DNAH5: variants seen among roughly 807,000 people sequenced by gnomAD.
DNAH5 encodes the protein axonemal beta dynein heavy chain 5.
Under a neutral mutation model 518.2 loss-of-function variants are expected in DNAH5, and 372 were observed. That is an observed-to-expected ratio of 0.72 (90% CI 0.66 to 0.78). The LOEUF (loss-of-function observed/expected upper bound fraction) is 0.78, where lower values mean the gene tolerates loss of function less well. Among genes scored for constraint, DNAH5 ranks in the 30% least tolerant of loss-of-function variants. DNAH5 has a pLI of 0.00. For missense variants in DNAH5, 5,523 were observed against 5,687.0 expected (o/e 0.97, Z 0.93); for synonymous variants, 2,039 against 2,025.9 (o/e 1.01, Z -0.17).
In DNAH5 at chr5:13,736,709, G is replaced by A. The variant is rs541269340; in HGVS notation, c.11455+543C>T. ...CCCAAAGTGCTGGGATTATAGTCAT[G>A]AGCAACCATGCCCGGCCGATTATTT... is the stretch of plus-strand genomic sequence containing the variant. On this transcript the variant is annotated intron_variant, in intron 66 of 78. Coordinates refer to ENST00000265104, the MANE Select transcript of DNAH5 (RefSeq NM_001369.3). 1.9e-3 allele frequency among the ~76,000 whole-genome samples: 291 copies of A among 152,202 alleles called. 1 individual carries two copies. The highest frequency in any genetic ancestry group is 6.4e-3 in the African/African-American group (267 of 41,528).
intron 34 of DNAH5, 59 bp from the exon 35 acceptor site, chr5:13,839,587 G>T: frequency 6.6e-6 from 9 of 1,361,638 alleles, no homozygotes; most frequent in Non-Finnish European, 9.4e-6. Context: ...AAATATACAC[G>T]TTATTAGCAT....
chr5:13,793,668 G>T lies in DNAH5; in HGVS notation c.8071C>A (p.Pro2691Thr), dbSNP rs371105950. Residue 2691 changes from proline (P) to threonine (T), a missense_variant, in exon 49 of 79, where the codon CCT becomes ACT. Coordinates refer to ENST00000265104, the MANE Select transcript of DNAH5 (RefSeq NM_001369.3). ...EQNGFYNLEK[P>T]GEFTSIVDIQ... Reference sequence around the variant, plus strand: ...TCCACGATGCTGGTGAACTCCCCAGGCTTCTCTAGATTATAGAATCCATTT... The same window carrying T: ...TCCACGATGCTGGTGAACTCCCCAGTCTTCTCTAGATTATAGAATCCATTT... The T allele has an allele frequency of 6.2e-7, 1 of 1,613,940 alleles. No individual in the cohort carries two copies. Among genetic ancestry groups the T allele is most frequent in the African/African-American group, 1.3e-5 (1 of 74,870 alleles).
chr5:13,861,969 A>C (rs1295269280), intron 29 of DNAH5, among the ~76,000 whole-genome samples: 1 of 151,286 alleles, frequency 6.6e-6, no homozygotes, highest in East Asian at 1.9e-4. Context: ...AAAAAAAAAA[A>C]AAAAAAACAA....
At chr5:13,907,104 A>G (rs181534141) in intron 12 of DNAH5, among the ~76,000 whole-genome samples, 1 of 152,276 alleles carries the variant, frequency 6.6e-6, no homozygotes, top group Non-Finnish European at 1.5e-5. Flanking sequence ...GGTGAACGCA[A>G]GTTCACACCG....
intron 61 of DNAH5, among the ~76,000 whole-genome samples, chr5:13,754,868 G>A (rs1750768984): frequency 1.3e-5 from 2 of 151,930 alleles, no homozygotes; most frequent in Admixed American, 6.6e-5. Flanking sequence ...AAATGGTTCC[G>A]GTGGCTCACA....
chr5:13,839,883 C>T (rs1257534978), intron 34 of DNAH5, among the ~76,000 whole-genome samples: 1 of 152,168 alleles, frequency 6.6e-6, no homozygotes, highest in Non-Finnish European at 1.5e-5. Context: ...TGTTTTGACA[C>T]ACAAAGACAG....
intron 1 of DNAH5, among the ~76,000 whole-genome samples, chr5:13,990,470 G>A (rs1581126389): frequency 1.3e-5 from 2 of 151,816 alleles, no homozygotes; most frequent in Middle Eastern, 3.2e-3. Context: ...GAAGAATGGC[G>A]TGAACCCGGG....
intron 65 of DNAH5, among the ~76,000 whole-genome samples, chr5:13,740,000 C>T (rs936289320): frequency 4.6e-5 from 7 of 152,260 alleles, no homozygotes; most frequent in East Asian, 3.9e-4. Context: ...CAAAACTAAA[C>T]GTCTGATCCT....
rs111761068 is a variant in DNAH5, at chr5:13,820,841, A to G, written c.6688-342T>C. ...CTCCGTCTCAAAAAAAAAAAAAAAAAAAACACATCAATGACAATCTCAATT... is the reference window on the plus strand; with the variant it reads ...CTCCGTCTCAAAAAAAAAAAAAAAAGAAACACATCAATGACAATCTCAATT... On this transcript the variant is annotated intron_variant, in intron 40 of 78. Coordinates refer to ENST00000265104, the MANE Select transcript of DNAH5 (RefSeq NM_001369.3). Among the ~76,000 whole-genome samples the G allele has an allele frequency of 3.1e-4, 43 of 137,562 alleles. 1 individual carries two copies. Among genetic ancestry groups the G allele is most frequent in the Middle Eastern group, 3.8e-3 (1 of 264 alleles). 90.2% of individuals were successfully genotyped at this position (137,562 alleles called of 152,430 possible).
chr5:13,789,981 A>C (rs572393208), intron 50 of DNAH5, among the ~76,000 whole-genome samples: 5 of 152,232 alleles, frequency 3.3e-5, no homozygotes, highest in Non-Finnish European at 7.3e-5. Context: ...AGAGAAATGC[A>C]AATCAAAACT....
intron 1 of DNAH5, among the ~76,000 whole-genome samples, chr5:13,937,582 C>T (rs756530408): frequency 6.6e-6 from 1 of 151,786 alleles, no homozygotes; most frequent in Non-Finnish European, 1.5e-5. Flanking sequence ...TCACTGTTAT[C>T]GACATCATAC....
chr5:13,793,071 C>G (rs1372923798), intron 49 of DNAH5, among the ~76,000 whole-genome samples: 2 of 152,154 alleles, frequency 1.3e-5, no homozygotes, highest in African/African-American at 4.8e-5. Flanking sequence ...GAATTTCAGA[C>G]CGTGTCCAAT....
intron 2 of DNAH5, among the ~76,000 whole-genome samples, chr5:13,928,887 T>C (rs934855038): frequency 6.6e-6 from 1 of 152,178 alleles, no homozygotes; most frequent in Admixed American, 6.5e-5. Flanking sequence ...CCTTGAGCAC[T>C]ACTGGTGGGA....
chr5:13,970,795 G>C (rs533724939), intron 1 of DNAH5, among the ~76,000 whole-genome samples: 2 of 152,246 alleles, frequency 1.3e-5, no homozygotes, highest in Admixed American at 1.3e-4. Context: ...GAATTTCCTG[G>C]ATGTTCTTTG....
intron 78 of DNAH5, among the ~76,000 whole-genome samples, chr5:13,698,282 A>G (rs1174608194): frequency 1.3e-5 from 2 of 152,168 alleles, no homozygotes. Flanking sequence ...GGACTAAGAC[A>G]CCATGCATGT....
rs550754697 is a variant in DNAH5, at chr5:13,854,070, A to G, written c.4951-3255T>C. ...AAGAGCAACCCCAAAACACATAATCATCAGATTCACCAAGGTTGAAATGAA... is the reference window on the plus strand; with the variant it reads ...AAGAGCAACCCCAAAACACATAATCGTCAGATTCACCAAGGTTGAAATGAA... On this transcript the variant is annotated intron_variant, in intron 30 of 78. Transcript: ENST00000265104. 3.9e-5 allele frequency among the ~76,000 whole-genome samples: 6 copies of G among 152,270 alleles called. 2 individuals are homozygous for G. Among genetic ancestry groups the G allele is most frequent in the East Asian group, 1.9e-4 (1 of 5,184 alleles).
In DNAH5 at chr5:13,751,106, A is replaced by G; in HGVS notation, c.11183T>C (p.Leu3728Pro). The G allele has an allele frequency of 6.2e-7, 1 of 1,613,986 alleles. No individual in the cohort carries two copies. The highest frequency in any genetic ancestry group is 8.5e-7 in the Non-Finnish European group (1 of 1,179,908). Residue 3728 changes from leucine to proline, a missense_variant, in exon 65 of 79, where the codon CTG (leucine) becomes CCG (proline). By Grantham distance (98) the Leu-to-Pro change is moderately conservative (BLOSUM62 -3). Coordinates refer to ENST00000265104, the MANE Select transcript of DNAH5 (RefSeq NM_001369.3). ...VTMKGLEDQL[L>P]GRVILTEKQE... ...CTTCTCTGTGAGAATGACCCTCCCC[A>G]GTAACTGATCTTCTAGACCTTTCAT...
At chr5:13,789,120 GAAGT>G (rs970516959) in intron 50 of DNAH5, among the ~76,000 whole-genome samples, 8 of 152,162 alleles carry the variant, frequency 5.3e-5, no homozygotes, top group East Asian at 3.8e-4. Context: ...TGCAGTCTCT[GAAGT>G]AAGAAGAAAA....
At chr5:13,735,994 A>G in intron 66 of DNAH5, 62 bp from the exon 67 acceptor site, 1 of 1,336,868 alleles carries the variant, frequency 7.5e-7, no homozygotes, top group Non-Finnish European at 1.1e-6. Context: ...ATCCATGCAA[A>G]GAGATCAGCC....
Sources: gnomAD v4.1 joint callset for allele counts (sites outside exome capture counted in the v4.1 genomes callset) on GRCh38, gnomAD v4.1.1 for gene constraint, MANE v1.5 for transcripts, NCBI Gene and HGNC (gene_info 2026-07-23, HGNC 2026-07-21) for gene names.